Variants in EREG observed in about 807,000 individuals in gnomAD.
The protein encoded by EREG is epiregulin, also known as proepiregulin.
In EREG, 23 loss-of-function variants were observed where a neutral mutation model predicts 22.4. The ratio of observed to expected loss-of-function variants is 1.03; its 90% CI spans 0.74 to 1.46. The LOEUF (loss-of-function observed/expected upper bound fraction) is 1.46. Among genes scored for constraint, EREG ranks in the 40% most tolerant of loss-of-function variants. EREG has a pLI of 0.00. For missense variants in EREG, 226 were observed against 205.9 expected (o/e 1.10, Z -0.60); for synonymous variants, 100 against 75.4 (o/e 1.33, Z -1.69).
chr4:74,384,639 C>T, intron 4 of EREG, 88 bp from the exon 5 acceptor site: 1 of 659,140 alleles, frequency 1.5e-6, no homozygotes, highest in Non-Finnish European at 2.8e-6. Flanking sequence ...AAACACTATG[C>T]TAATGTGCCT....
intron 1 of EREG, among the ~76,000 whole-genome samples, chr4:74,378,944 A>C (rs539593725): frequency 6.6e-6 from 1 of 152,326 alleles, no homozygotes; most frequent in South Asian, 2.1e-4. Context: ...ATTAATTAAA[A>C]TCTATACTCA....
intron 3 of EREG, 29 bp from the exon 4 acceptor site, chr4:74,382,616 A>T: frequency 6.5e-7 from 1 of 1,544,064 alleles, no homozygotes; most frequent in Non-Finnish European, 8.7e-7. Context: ...TAAGTAACTG[A>T]TCTTTCTTTC....
Position 74,386,105 on chromosome 4 carries a change from A to T in EREG, c.*1297A>T. 3.3e-6 allele frequency: 1 copy of T among 307,096 alleles called. No homozygotes were observed. The highest frequency in any genetic ancestry group is 5.1e-5 in the Admixed American group (1 of 19,700). The allele number at this position is 307,096 out of a possible 1,614,324, so 19.0% of individuals were successfully genotyped here. On this transcript the variant is annotated 3_prime_UTR_variant, in exon 5 of 5. Transcript: ENST00000244869. ...TGCACTCTGAGCCCATAGGTCTCAG[A>T]GAGTTAATAGGAGTATTTTTGGGCT...
Position 74,384,804 on chromosome 4 carries a change from T to A in EREG, c.506T>A (p.Val169Asp). The change falls in exon 5 of 5, where the codon GTC becomes GAC. Residue 169 changes from valine to aspartate, a missense_variant. Transcript: ENST00000244869. ...TCAGGGGATCCAGAGTTGCCGCAAGTCTGAATGGCGCCATCAAACTTATGG... is the reference window on the plus strand; with the variant it reads ...TCAGGGGATCCAGAGTTGCCGCAAGACTGAATGGCGCCATCAAACTTATGG... ...VTSGDPELPQV is the reference protein window; with the variant it reads ...VTSGDPELPQD 6.2e-7 allele frequency: 1 copy of A among 1,606,040 alleles called. No individual in the cohort carries two copies. Among genetic ancestry groups the A allele is most frequent in the Non-Finnish European group, 8.5e-7 (1 of 1,173,006 alleles).
At position 74,381,091 on chromosome 4, in the gene EREG, C is replaced by T; in HGVS notation, c.232C>T (p.His78Tyr). 3.1e-6 allele frequency: 5 copies of T among 1,613,210 alleles called. No individual in the cohort carries two copies. The East Asian group carries it at 8.9e-5, about 29-fold the overall frequency. ...CSSDMNGYCL[H>Y]GQCIYLVDMS... Reference sequence around the variant, plus strand: ...CTCTGACATGAATGGCTATTGTTTGCATGGACAGTGCATCTATCTGGTGGA... The same window carrying T: ...CTCTGACATGAATGGCTATTGTTTGTATGGACAGTGCATCTATCTGGTGGA... The change falls in exon 3 of 5, where the codon CAT (histidine) becomes TAT (tyrosine). Residue 78 changes from histidine (H) to tyrosine (Y), a missense_variant. His to Tyr is a moderately conservative substitution (Grantham distance 83). Coordinates refer to ENST00000244869, the MANE Select transcript of EREG (RefSeq NM_001432.3).
At position 74,382,769 on chromosome 4, in the gene EREG, G is replaced by C; in HGVS notation, c.403G>C (p.Gly135Arg). The change falls in exon 4 of 5, where the codon GGT becomes CGT. Residue 135 changes from glycine (G) to arginine (R), a missense_variant. Gly to Arg is a moderately radical substitution (Grantham distance 125). Coordinates refer to ENST00000244869, the MANE Select transcript of EREG (RefSeq NM_001432.3). ...LIILFLITVV[G>R]STYYFCRWYR... ...TATTTTGTTTCTTATCACAGTCGTC[G>C]GTTCCACATATTATTTCTGCAGATG... The C allele has an allele frequency of 6.2e-7, 1 of 1,613,020 alleles. No individual in the cohort carries two copies. The highest frequency in any genetic ancestry group is 8.5e-7 in the Non-Finnish European group (1 of 1,179,612).
At chr4:74,372,801 CTTTTTTTTT>C (rs60657787) in intron 1 of EREG, among the ~76,000 whole-genome samples, 15 of 71,908 alleles carry the variant, frequency 2.1e-4, no homozygotes, top group East Asian at 8.2e-4. Context: ...TTAAATTGTA[CTTTTTTTTT>C]TTTTTTTTTT....
At chr4:74,379,413 C>T (rs745452926) in intron 1 of EREG, 35 bp from the exon 2 acceptor site, 3 of 1,235,966 alleles carry the variant, frequency 2.4e-6, no homozygotes, top group African/African-American at 1.5e-5. Flanking sequence ...TTCCTTAACA[C>T]ATTAGTTATA....
At chr4:74,370,452 A>G (rs577402367) in intron 1 of EREG, among the ~76,000 whole-genome samples, 6 of 152,370 alleles carry the variant, frequency 3.9e-5, no homozygotes, top group Non-Finnish European at 8.8e-5. Context: ...ATTAAAAAAG[A>G]TATTTTGAGA....
In EREG at chr4:74,388,458, A is replaced by C. The variant is rs1166279262; in HGVS notation, c.*3650A>C. On this transcript the variant is annotated 3_prime_UTR_variant, in exon 5 of 5. Coordinates refer to ENST00000244869, the MANE Select transcript of EREG (RefSeq NM_001432.3). ...TTTTTATTTTGCACTCTGTAATTGCACTTTTTAAGTTTGAAGAGCCATTTT... is the reference window on the plus strand; with the variant it reads ...TTTTTATTTTGCACTCTGTAATTGCCCTTTTTAAGTTTGAAGAGCCATTTT... 6.6e-6 allele frequency: 1 copy of C among 152,528 alleles called. No homozygotes were observed. Among genetic ancestry groups the C allele is most frequent in the African/African-American group, 2.4e-5 (1 of 41,440 alleles). The allele number at this position is 152,528 out of a possible 1,614,324, so 9.4% of individuals were successfully genotyped here.
At chr4:74,369,113 A>G (rs937102357) in intron 1 of EREG, among the ~76,000 whole-genome samples, 1 of 152,196 alleles carries the variant, frequency 6.6e-6, no homozygotes, top group Non-Finnish European at 1.5e-5. Flanking sequence ...TATATCTCAT[A>G]AGACTCTTAA....
Position 74,365,388 on chromosome 4 carries a change from C to G in EREG, c.67+13C>G, listed in dbSNP as rs1440885406. ...CTGCTCTGCCTGGGTAAGTTCTCCC[C>G]CTCTGGCTTCCGGCCGCCCCAAAGA... On this transcript the variant is annotated intron_variant, in intron 1 of 4. Transcript: ENST00000244869. The G allele has an allele frequency of 3.1e-6, 5 of 1,611,362 alleles. No homozygotes were observed. Among genetic ancestry groups the G allele is most frequent in the Non-Finnish European group, 4.2e-6 (5 of 1,179,486 alleles).
In EREG at chr4:74,376,180, T is replaced by C. The variant is rs76193439; in HGVS notation, c.68-3268T>C. ...ACTAACAGCAACACTCCAAAGTAAG[T>C]TGGATTCTATAATAGTTGCAGGTTG... On this transcript the variant is annotated intron_variant, in intron 1 of 4. Transcript: ENST00000244869. 9.5e-4 allele frequency among the ~76,000 whole-genome samples: 145 copies of C among 152,200 alleles called. 1 individual carries two copies. Among genetic ancestry groups the C allele is most frequent in the African/African-American group, 3.2e-3 (133 of 41,534 alleles).
Position 74,384,907 on chromosome 4 carries a change from T to C in EREG, c.*99T>C. ...TATTTATGTTGGGTCAAGTGTTAGG[T>C]CAATAACACTGTATTTTAATGTACT... On this transcript the variant is annotated 3_prime_UTR_variant, in exon 5 of 5. Coordinates refer to ENST00000244869, the MANE Select transcript of EREG (RefSeq NM_001432.3). 1 of 627,628 alleles carries C rather than the reference T, an allele frequency of 1.6e-6. No homozygotes were observed. Among genetic ancestry groups the C allele is most frequent in the Non-Finnish European group, 2.8e-6 (1 of 359,682 alleles). The allele number at this position is 627,628 out of a possible 1,614,324, so 38.9% of individuals were successfully genotyped here.
chr4:74,367,471 G>T (rs543556763), intron 1 of EREG, among the ~76,000 whole-genome samples: 2 of 152,108 alleles, frequency 1.3e-5, no homozygotes, highest in Non-Finnish European at 2.9e-5. Context: ...AAATTTTTAT[G>T]TTGAATTCTG....
intron 1 of EREG, among the ~76,000 whole-genome samples, chr4:74,375,587 C>T (rs1752368512): frequency 6.6e-6 from 1 of 151,936 alleles, no homozygotes; most frequent in Non-Finnish European, 1.5e-5. Context: ...CCTCGGCCTC[C>T]CAAAGTGCTG....
intron 4 of EREG, among the ~76,000 whole-genome samples, chr4:74,383,803 A>C (rs1752521814): frequency 6.6e-6 from 1 of 152,184 alleles, no homozygotes; most frequent in African/African-American, 2.4e-5. Context: ...TGCCTTCCTA[A>C]TAAGTTGCCA....
intron 3 of EREG, 174 bp from the exon 4 acceptor site, chr4:74,382,471 G>T: frequency 1.9e-6 from 1 of 521,660 alleles, no homozygotes. Flanking sequence ...GAGCTACGTG[G>T]AGCCCTTTTA....
chr4:74,386,102 CAG>C lies in EREG; in HGVS notation c.*1299_*1300del, dbSNP rs1271870723. 2 of 312,000 alleles carry C rather than the reference CAG, an allele frequency of 6.4e-6. No individual in the cohort carries two copies. Among genetic ancestry groups the C allele is most frequent in the East Asian group, 9.3e-5 (2 of 21,600 alleles). 19.3% of individuals were successfully genotyped at this position (312,000 alleles called of 1,614,324 possible). A position where few individuals can be genotyped will look rare whatever the true frequency, so the allele number is the denominator to read the frequency against. ...TTCTGCACTCTGAGCCCATAGGTCT[CAG>C]AGAGTTAATAGGAGTATTTTTGGGC... On this transcript the variant is annotated 3_prime_UTR_variant, in exon 5 of 5. Transcript: ENST00000244869.
Sources: gnomAD v4.1 joint callset for allele counts (sites outside exome capture counted in the v4.1 genomes callset) on GRCh38, gnomAD v4.1.1 for gene constraint, MANE v1.5 for transcripts, NCBI Gene and HGNC (gene_info 2026-07-23, HGNC 2026-07-21) for gene names.